The following GLIS3 variants were observed in gnomAD, a reference collection of about 807,000 sequenced individuals.
The protein encoded by GLIS3 is GLIS family zinc finger 3.
In GLIS3, 53 loss-of-function variants were observed where a neutral mutation model predicts 78.6. That is an observed-to-expected ratio of 0.67 (90% CI 0.54 to 0.85). GLIS3 has a LOEUF of 0.85. Ranked by LOEUF, GLIS3 falls within the 40% of genes least tolerant of loss-of-function variation. The pLI, the probability that GLIS3 is intolerant of heterozygous loss-of-function variation, is 0.00. For missense variants in GLIS3, 1,703 were observed against 1,231.1 expected (o/e 1.38, Z -5.74); for synonymous variants, 684 against 509.9 (o/e 1.34, Z -4.60).
At chr9:4,004,013 A>G (rs1821338435) in intron 4 of GLIS3, among the ~76,000 whole-genome samples, 1 of 152,190 alleles carries the variant, frequency 6.6e-6, no homozygotes. Context: ...AGCTGAAATA[A>G]ACAACCTGTA....
At chr9:4,445,712 G>C in the GLIS3 span, among the ~76,000 whole-genome samples, 2 of 152,134 alleles carry the variant, frequency 1.3e-5, no homozygotes, top group African/African-American at 4.8e-5. Flanking sequence ...GGGACCAAAC[G>C]ACCTACTCAT....
chr9:3,838,078 T>A (rs1297066824), intron 9 of GLIS3, among the ~76,000 whole-genome samples: 1 of 152,144 alleles, frequency 6.6e-6, no homozygotes, highest in East Asian at 1.9e-4. Context: ...TCTGAAATAG[T>A]CTATTAAATG....
chr9:3,836,252 C>A (rs1156675548), intron 9 of GLIS3, among the ~76,000 whole-genome samples: 1 of 152,188 alleles, frequency 6.6e-6, no homozygotes, highest in Non-Finnish European at 1.5e-5. Flanking sequence ...GAATTGGCAG[C>A]CCCTCAGTTT....
At chr9:4,464,869 T>TG in the GLIS3 span, among the ~76,000 whole-genome samples, 2 of 152,232 alleles carry the variant, frequency 1.3e-5, no homozygotes, top group African/African-American at 4.8e-5. Context: ...AGTTTAAACC[T>TG]GATGGAAAGA....
chr9:4,295,501 C>T (rs1025353901), intron 1 of GLIS3, among the ~76,000 whole-genome samples: 5 of 151,944 alleles, frequency 3.3e-5, no homozygotes, highest in African/African-American at 7.3e-5. Flanking sequence ...TTGTGTTGAG[C>T]GAAAGAAGCC....
intron 4 of GLIS3, among the ~76,000 whole-genome samples, chr9:4,049,764 A>C (rs1825565264): frequency 6.6e-6 from 1 of 152,114 alleles, no homozygotes; most frequent in African/African-American, 2.4e-5. Flanking sequence ...AAAAACAAAC[A>C]ACCCCATCAA....
chr9:4,441,474 G>A, the GLIS3 span, among the ~76,000 whole-genome samples: 1 of 152,128 alleles, frequency 6.6e-6, no homozygotes, highest in African/African-American at 2.4e-5. Context: ...CATTTGCCTG[G>A]AGTGGATTCA....
At chr9:4,478,907 T>C in the GLIS3 span, among the ~76,000 whole-genome samples, 1 of 152,190 alleles carries the variant, frequency 6.6e-6, no homozygotes, top group Non-Finnish European at 1.5e-5. Flanking sequence ...AATCTTAGCA[T>C]TATGAAATAG....
chr9:3,882,355 G>A (rs1020938517), intron 7 of GLIS3, among the ~76,000 whole-genome samples: 3 of 152,202 alleles, frequency 2.0e-5, no homozygotes, highest in South Asian at 2.1e-4. Flanking sequence ...TGAGGGGCAC[G>A]TGTACCAGAG....
At chr9:3,956,045 A>G (rs867667013) in intron 4 of GLIS3, among the ~76,000 whole-genome samples, 46 of 151,516 alleles carry the variant, frequency 3.0e-4, no homozygotes, top group South Asian at 1.3e-3. Flanking sequence ...AAAAAAAAAA[A>G]AAAGAAAGAA....
intron 2 of GLIS3, among the ~76,000 whole-genome samples, chr9:4,278,160 G>C (rs555305899): frequency 6.6e-5 from 10 of 152,340 alleles, no homozygotes; most frequent in Admixed American, 6.5e-4. Flanking sequence ...ACAAGATAGT[G>C]TGACGAAGAA....
intron 4 of GLIS3, among the ~76,000 whole-genome samples, chr9:4,009,871 C>G (rs542966870): frequency 3.3e-5 from 5 of 152,086 alleles, no homozygotes; most frequent in African/African-American, 1.2e-4. Flanking sequence ...GGGGTCTGGC[C>G]GCCCCGGTCA....
chr9:3,882,531 G>C lies in GLIS3; in HGVS notation c.2129-2936C>G, dbSNP rs571202806. Among the ~76,000 whole-genome samples the C allele has an allele frequency of 3.9e-5, 6 of 152,276 alleles. No homozygotes were observed. In the East Asian group the frequency reaches 7.7e-4, roughly 20 times the overall value. On this transcript the variant is annotated intron_variant, in intron 7 of 10. Transcript: ENST00000381971. ...ACTAGAAACAGGTGGTGAAGGGGAT[G>C]CTAGGTGGGGCACACGAGGTGTCAG...
intron 2 of GLIS3, among the ~76,000 whole-genome samples, chr9:4,262,306 C>G (rs1041994852): frequency 6.6e-6 from 1 of 152,084 alleles, no homozygotes; most frequent in Non-Finnish European, 1.5e-5. Flanking sequence ...CACTGACACC[C>G]GCTATTTTTG....
intron 7 of GLIS3, among the ~76,000 whole-genome samples, chr9:3,887,867 C>T (rs1413072881): frequency 2.0e-5 from 3 of 152,318 alleles, no homozygotes; most frequent in South Asian, 2.1e-4. Flanking sequence ...GCTCTATCAA[C>T]TTCTCTGGGA....
At chr9:4,250,939 T>C (rs1286488031) in intron 2 of GLIS3, among the ~76,000 whole-genome samples, 1 of 150,738 alleles carries the variant, frequency 6.6e-6, no homozygotes, top group African/African-American at 2.4e-5. Context: ...AGTTTCTTAA[T>C]CTTGAGTTCT....
intron 2 of GLIS3, among the ~76,000 whole-genome samples, chr9:4,250,432 C>G (rs10758587): frequency 0.97 from 147,721 of 152,292 alleles, 71,794 homozygotes; most frequent in Middle Eastern, 1. Context: ...TCTGATGGTA[C>G]TTTGTATTTC....
chr9:3,916,838 C>T (rs2130710306), intron 6 of GLIS3, among the ~76,000 whole-genome samples: 1 of 152,252 alleles, frequency 6.6e-6, no homozygotes, highest in South Asian at 2.1e-4. Context: ...AGTTCAATTG[C>T]TCTTGAAAAA....
rs143158894 is a variant in GLIS3, at chr9:3,943,773, C to T, written c.1711-6584G>A. The stretch of plus-strand genomic sequence containing the variant: ...TTGGTCTCAATGAGTCAATCACTCA[C>T]TGAGTGCGTGCCGGTCATCTGGCAT... On this transcript the variant is annotated intron_variant, in intron 4 of 10. Coordinates refer to ENST00000381971, the MANE Select transcript of GLIS3 (RefSeq NM_001042413.2). 3.9e-5 allele frequency among the ~76,000 whole-genome samples: 6 copies of T among 152,338 alleles called. No individual in the cohort carries two copies. In the East Asian group the frequency reaches 9.6e-4, roughly 24 times the overall value.
Sources: allele counts gnomAD v4.1 joint callset (sites outside exome capture counted in the v4.1 genomes callset), GRCh38; gene constraint gnomAD v4.1.1; transcripts MANE v1.5; gene names NCBI Gene and HGNC (gene_info 2026-07-23, HGNC 2026-07-21).